Variants in PDE7B observed in about 807,000 individuals in gnomAD.
PDE7B encodes the protein phosphodiesterase 7B, also known as 3',5'-cyclic-AMP phosphodiesterase 7B.
Under a neutral mutation model 56.2 loss-of-function variants are expected in PDE7B, and 29 were observed. That is an observed-to-expected ratio of 0.52 (90% CI 0.38 to 0.70). PDE7B has a LOEUF of 0.70. Ranked by LOEUF, PDE7B falls within the 30% of genes least tolerant of loss-of-function variation. The pLI is 0.00. For missense variants in PDE7B, 490 were observed against 565.0 expected (o/e 0.87, Z 1.35); for synonymous variants, 197 against 196.9 (o/e 1.00, Z 0.00).
intron 2 of PDE7B, among the ~76,000 whole-genome samples, chr6:135,968,612 C>T (rs902423619): frequency 8.6e-5 from 13 of 151,706 alleles, no homozygotes; most frequent in African/African-American, 1.9e-4. Context: ...CTCAGAACAG[C>T]GATTATTAAA....
At chr6:135,969,234 G>T (rs1299474843) in intron 2 of PDE7B, among the ~76,000 whole-genome samples, 2 of 152,070 alleles carry the variant, frequency 1.3e-5, no homozygotes, top group East Asian at 3.9e-4. Flanking sequence ...GTTGATAGGT[G>T]CAGCAAACCA....
intron 2 of PDE7B, among the ~76,000 whole-genome samples, chr6:136,008,358 A>G (rs1346975666): frequency 6.6e-6 from 1 of 152,182 alleles, no homozygotes; most frequent in Non-Finnish European, 1.5e-5. Context: ...CAGTAATGGG[A>G]TTGCTGGGTC....
At chr6:136,130,266 C>T (rs914847539) in intron 3 of PDE7B, among the ~76,000 whole-genome samples, 2 of 152,120 alleles carry the variant, frequency 1.3e-5, no homozygotes, top group African/African-American at 4.8e-5. Context: ...CTCAGACTAC[C>T]TTTCACTGGT....
rs200286747 is a variant in PDE7B, at chr6:135,932,466, A to T, written c.22-14998A>T. On this transcript the variant is annotated intron_variant, in intron 1 of 12. Coordinates refer to ENST00000308191, the MANE Select transcript of PDE7B (RefSeq NM_018945.4). ...ACCCACACAAATTAAAAATAAGTTT[A>T]AAAAAAAATCACCATTTCAGCTAGA... Among the ~76,000 whole-genome samples, 8 of 86,760 alleles carry T rather than the reference A, an allele frequency of 9.2e-5. No individual in the cohort carries two copies. In the South Asian group the frequency reaches 2.2e-3, roughly 24 times the overall value. 56.9% of individuals were successfully genotyped at this position (86,760 alleles called of 152,430 possible).
chr6:135,926,136 C>G (rs374914476), intron 1 of PDE7B, among the ~76,000 whole-genome samples: 1,802 of 133,870 alleles, frequency 0.013, 18 homozygotes, highest in East Asian at 0.044. Flanking sequence ...GCCCAGGCTG[C>G]AGTGCAGTGG....
chr6:135,934,454 C>G (rs984574555), intron 1 of PDE7B, among the ~76,000 whole-genome samples: 4 of 151,764 alleles, frequency 2.6e-5, no homozygotes, highest in African/African-American at 9.7e-5. Flanking sequence ...GGGCCCAGTG[C>G]AGTGGCTCAC....
At chr6:136,161,841 C>T (rs777466475) in intron 8 of PDE7B, among the ~76,000 whole-genome samples, 5 of 152,158 alleles carry the variant, frequency 3.3e-5, no homozygotes, top group Admixed American at 1.3e-4. Context: ...CACTGTGCCC[C>T]ATACCATGGC....
At chr6:135,855,767 G>C (rs543578418) in intron 1 of PDE7B, among the ~76,000 whole-genome samples, 47 of 152,246 alleles carry the variant, frequency 3.1e-4, no homozygotes, top group African/African-American at 1.1e-3. Flanking sequence ...GGCAGCCAAG[G>C]TCCCAGCAGG....
intron 3 of PDE7B, among the ~76,000 whole-genome samples, chr6:136,139,022 GGTTT>G (rs567979796): frequency 1.1e-3 from 166 of 152,196 alleles, no homozygotes; most frequent in Middle Eastern, 6.8e-3. Context: ...ACGATGTGCA[GGTTT>G]GTTACATATG....
chr6:136,043,575 CAAAAAAAA>C (rs34337621), intron 2 of PDE7B, among the ~76,000 whole-genome samples: 6 of 106,908 alleles, frequency 5.6e-5, no homozygotes, highest in Admixed American at 4.8e-4. Flanking sequence ...GACATAATAG[CAAAAAAAA>C]AAAAAAAAAA....
intron 1 of PDE7B, among the ~76,000 whole-genome samples, chr6:135,880,410 G>A (rs796766100): frequency 1.6e-4 from 25 of 152,276 alleles, no homozygotes; most frequent in African/African-American, 5.5e-4. Context: ...GTTTAGATGG[G>A]TGGAGTCAAG....
intron 8 of PDE7B, among the ~76,000 whole-genome samples, chr6:136,160,336 T>C (rs1162826562): frequency 6.6e-6 from 1 of 152,200 alleles, no homozygotes; most frequent in African/African-American, 2.4e-5. Flanking sequence ...TAGATCTCCA[T>C]GACCATTTCT....
At chr6:135,918,261 A>G (rs1475734280) in intron 1 of PDE7B, among the ~76,000 whole-genome samples, 1 of 152,074 alleles carries the variant, frequency 6.6e-6, no homozygotes, top group Non-Finnish European at 1.5e-5. Context: ...TTATCATGGT[A>G]TTCCTTTCTC....
chr6:135,869,238 GACAA>G (rs796904069), intron 1 of PDE7B, among the ~76,000 whole-genome samples: 1 of 152,012 alleles, frequency 6.6e-6, no homozygotes, highest in South Asian at 2.1e-4. Flanking sequence ...TTGCACATGT[GACAA>G]ACTATTAATC....
At chr6:136,089,718 CAT>C (rs1174280571) in intron 2 of PDE7B, among the ~76,000 whole-genome samples, 1 of 152,168 alleles carries the variant, frequency 6.6e-6, no homozygotes, top group Non-Finnish European at 1.5e-5. Context: ...AGTGGAAAAA[CAT>C]ACACTTGGAT....
In PDE7B at chr6:136,037,877, C is replaced by A. The variant is rs538111988; in HGVS notation, c.83-70854C>A. On this transcript the variant is annotated intron_variant, in intron 2 of 12. Coordinates refer to ENST00000308191, the MANE Select transcript of PDE7B (RefSeq NM_018945.4). ...AGAAGAGGAAAAGCAAATGCTAGAA[C>A]CTCGATGGCTTTTTTTTTTCTCCCT... 16 of 984,852 alleles carry A rather than the reference C, an allele frequency of 1.6e-5. No individual in the cohort carries two copies. In the East Asian group the frequency reaches 6.9e-4, roughly 42 times the overall value. 61.0% of individuals were successfully genotyped at this position (984,852 alleles called of 1,614,324 possible).
At chr6:136,076,445 G>A (rs1379144976) in intron 2 of PDE7B, among the ~76,000 whole-genome samples, 5 of 152,032 alleles carry the variant, frequency 3.3e-5, no homozygotes, top group African/African-American at 1.2e-4. Context: ...TACACTCTAG[G>A]CTGGGCAACA....
At chr6:135,898,623 A>C (rs1245898814) in intron 1 of PDE7B, among the ~76,000 whole-genome samples, 1 of 152,154 alleles carries the variant, frequency 6.6e-6, no homozygotes, top group East Asian at 1.9e-4. Flanking sequence ...AAAATTTTAA[A>C]TTATATACTT....
chr6:135,919,978 C>A (rs879496061), intron 1 of PDE7B, among the ~76,000 whole-genome samples: 2 of 151,938 alleles, frequency 1.3e-5, no homozygotes, highest in African/African-American at 2.4e-5. Context: ...GTAAATATTG[C>A]TATCCTTATT....
Sources: gnomAD v4.1 joint callset for allele counts (sites outside exome capture counted in the v4.1 genomes callset) on GRCh38, gnomAD v4.1.1 for gene constraint, MANE v1.5 for transcripts, NCBI Gene and HGNC (gene_info 2026-07-23, HGNC 2026-07-21) for gene names.